The following ZNF506 variants were observed in gnomAD, a reference collection of about 807,000 sequenced individuals.
ZNF506 encodes the protein zinc finger protein 506.
ZNF506 carries 10 observed loss-of-function variants against 11.6 expected under a neutral mutation model. The observed-to-expected ratio is 0.86, with a 90% CI of 0.53 to 1.46. The LOEUF (loss-of-function observed/expected upper bound fraction) is 1.46, where lower values mean the gene tolerates loss of function less well. Ranked by LOEUF, ZNF506 falls within the 40% of genes most tolerant of loss-of-function variation. The pLI is 0.00. For missense variants in ZNF506, 425 were observed against 521.2 expected (o/e 0.82, Z 1.80); for synonymous variants, 156 against 173.3 (o/e 0.90, Z 0.78).
intron 1 of ZNF506, among the ~76,000 whole-genome samples, chr19:19,813,530 C>T (rs550510546): frequency 1.3e-5 from 2 of 152,030 alleles, no homozygotes; most frequent in South Asian, 4.2e-4. Context: ...ATCATTTGAC[C>T]CAGGAACCTC....
chr19:19,794,532 C>T lies in ZNF506; in HGVS notation c.*20G>A, dbSNP rs200259306. On this transcript the variant is annotated 3_prime_UTR_variant, in exon 4 of 4. Coordinates refer to ENST00000540806, the MANE Select transcript of ZNF506 (RefSeq NM_001099269.3). ...CTTTCCCACATTCATCACATTCATA[C>T]GGTTTCTCTCCAGTATGAATTATCT... The T allele has an allele frequency of 7.6e-5, 119 of 1,563,544 alleles. No individual in the cohort carries two copies. Among genetic ancestry groups the T allele is most frequent in the East Asian group, 6.3e-4 (28 of 44,650 alleles).
intron 3 of ZNF506, chr19:19,795,949 C>A (rs1051657363): frequency 2.7e-6 from 1 of 371,742 alleles, no homozygotes; most frequent in Non-Finnish European, 5.1e-6. Flanking sequence ...TTATACCCAA[C>A]ACAGCTCTTC....
chr19:19,809,466 T>TA (rs1599522510), intron 1 of ZNF506, among the ~76,000 whole-genome samples: 3 of 151,752 alleles, frequency 2.0e-5, no homozygotes, highest in African/African-American at 7.3e-5. Context: ...GGAAGTTATT[T>TA]TTTTTCTTCC....
rs112067915 is a variant in ZNF506 at position 19,794,553 on chromosome 19, T to C, written c.1334A>G (p.Ter445=). Residue 445 remains the stop codon, a stop_retained_variant, in exon 4 of 4, where the codon TAA becomes TGA. Coordinates refer to ENST00000540806, the MANE Select transcript of ZNF506 (RefSeq NM_001099269.3). ...NVPQPLISIR[*] ...CATACGGTTTCTCTCCAGTATGAAT[T>C]ATCTTATGCTTATTAAGGGTTGAGG... is the stretch of plus-strand genomic sequence containing the variant. 1.5e-3 allele frequency: 2,346 copies of C among 1,581,770 alleles called. 2 individuals are homozygous for C. Among genetic ancestry groups the C allele is most frequent in the Non-Finnish European group, 1.9e-3 (2,196 of 1,166,820 alleles).
At chr19:19,798,445 G>A (rs1290651848) in intron 3 of ZNF506, 2 of 151,594 alleles carry the variant, frequency 1.3e-5, no homozygotes, top group Non-Finnish European at 2.9e-5. Context: ...TCAGGAGATG[G>A]AGACCATCCT....
At chr19:19,805,378 A>G (rs2145187935) in intron 3 of ZNF506, among the ~76,000 whole-genome samples, 1 of 152,284 alleles carries the variant, frequency 6.6e-6, no homozygotes, top group East Asian at 1.9e-4. Context: ...CTGAAGTGCC[A>G]TATTATCCAA....
At chr19:19,812,532 T>C (rs888113946) in intron 1 of ZNF506, among the ~76,000 whole-genome samples, 6 of 152,242 alleles carry the variant, frequency 3.9e-5, no homozygotes, top group Admixed American at 2.0e-4. Flanking sequence ...CTACAGATTA[T>C]GCCATCACAT....
chr19:19,794,973 A>G lies in ZNF506; in HGVS notation c.914T>C (p.Ile305Thr). Residue 305 changes from isoleucine to threonine, a missense_variant, in exon 4 of 4, where the codon ATA becomes ACA. By Grantham distance (89) the Ile-to-Thr change is moderately conservative. Around this residue, in one of 3 missense-constraint regions of ZNF506, gnomAD observed 192 missense variants for 215.7 expected, o/e 0.89. Coordinates refer to ENST00000540806, the MANE Select transcript of ZNF506 (RefSeq NM_001099269.3). ...GTAGGGTTTCTCTCCAGTATGAATT[A>G]TCTCATGTTTAGTAAGGGTTGAGGA... Reference protein sequence around the residue: ...ISSSTLTKHEIIHTGEKPYKC... With the variant: ...ISSSTLTKHETIHTGEKPYKC... 1 of 1,613,110 alleles carries G rather than the reference A, an allele frequency of 6.2e-7. No individual in the cohort carries two copies. The highest frequency in any genetic ancestry group is 8.5e-7 in the Non-Finnish European group (1 of 1,179,784).
intron 3 of ZNF506, among the ~76,000 whole-genome samples, chr19:19,799,872 C>CA (rs35531969): frequency 1.8e-3 from 226 of 128,772 alleles, no homozygotes; most frequent in Admixed American, 5.7e-3. Flanking sequence ...CAACAGTCTT[C>CA]AAAAAAAAAA....
At chr19:19,797,456 C>T (rs945873937) in intron 3 of ZNF506, 1 of 142,708 alleles carries the variant, frequency 7.0e-6, no homozygotes, top group Non-Finnish European at 1.5e-5. Flanking sequence ...AAAAAAAAAA[C>T]AAATAAAATA....
intron 3 of ZNF506, chr19:19,795,864 A>C: frequency 1.8e-6 from 1 of 551,178 alleles, no homozygotes; most frequent in Non-Finnish European, 3.1e-6. Flanking sequence ...AAATTAGTTA[A>C]GTGTGTAAAG....
rs1367372540 is a variant in ZNF506, at chr19:19,794,207, G to A, written c.*345C>T. 1.1e-5 allele frequency: 2 copies of A among 181,858 alleles called. No individual in the cohort carries two copies. The highest frequency in any genetic ancestry group is 2.3e-5 in the Non-Finnish European group (2 of 86,506). The allele number at this position is 181,858 out of a possible 1,614,324, so 11.3% of individuals were successfully genotyped here. On this transcript the variant is annotated 3_prime_UTR_variant, in exon 4 of 4. Transcript: ENST00000540806. Reference sequence around the variant, plus strand: ...CACCAGTAATCCCAGCTACTCGGGAGGCTGAGGCAGGAGAATGGCTTGATA... The same window carrying A: ...CACCAGTAATCCCAGCTACTCGGGAAGCTGAGGCAGGAGAATGGCTTGATA...
intron 3 of ZNF506, chr19:19,797,436 G>GAAAAAAAAAAAAA (rs77600495): frequency 1.0e-5 from 1 of 95,636 alleles, no homozygotes; most frequent in Non-Finnish European, 2.4e-5. Context: ...TCCGTCTCAG[G>GAAAAAAAAAAAAA]AAAAAAAAAA....
chr19:19,803,212 C>T (rs1219340646), intron 3 of ZNF506, among the ~76,000 whole-genome samples: 3 of 152,232 alleles, frequency 2.0e-5, no homozygotes, highest in Non-Finnish European at 4.4e-5. Context: ...CTATCCGAAA[C>T]TCCTCCCGGC....
chr19:19,801,531 G>C (rs2062792882), intron 3 of ZNF506, among the ~76,000 whole-genome samples: 1 of 151,308 alleles, frequency 6.6e-6, no homozygotes, highest in Non-Finnish European at 1.5e-5. Flanking sequence ...GCTTGAGCCT[G>C]TTTAATCCCA....
chr19:19,797,214 GT>G (rs1248905841), intron 3 of ZNF506: 1 of 152,158 alleles, frequency 6.6e-6, no homozygotes, highest in Non-Finnish European at 1.5e-5. Context: ...GGAGGCCAAG[GT>G]GGGGAAATCA....
intron 1 of ZNF506, among the ~76,000 whole-genome samples, chr19:19,816,973 G>T (rs139488733): frequency 6.6e-6 from 1 of 150,894 alleles, no homozygotes; most frequent in Non-Finnish European, 1.5e-5. Flanking sequence ...AATTTTTTTT[G>T]TATTTTTAGT....
At chr19:19,818,109 T>C (rs1248456893) in intron 1 of ZNF506, among the ~76,000 whole-genome samples, 1 of 152,224 alleles carries the variant, frequency 6.6e-6, no homozygotes, top group Non-Finnish European at 1.5e-5. Context: ...ATTACAGGCA[T>C]GAGCCACCAC....
chr19:19,804,946 T>C (rs1199572966), intron 3 of ZNF506, among the ~76,000 whole-genome samples: 1 of 147,706 alleles, frequency 6.8e-6, no homozygotes, highest in East Asian at 2.0e-4. Flanking sequence ...GGTGGGGGGA[T>C]GGGGGAGGGA....
Sources: gnomAD v4.1 joint callset for allele counts (sites outside exome capture counted in the v4.1 genomes callset) on GRCh38, gnomAD v4.1.1 for gene constraint, gnomAD v4.1.1 regional missense constraint, MANE v1.5 for transcripts, NCBI Gene and HGNC (gene_info 2026-07-23, HGNC 2026-07-21) for gene names.